Variants in ITGA8 observed in about 807,000 individuals in gnomAD.
ITGA8 encodes the protein integrin alpha-8.
ITGA8 carries 91 observed loss-of-function variants against 142.3 expected under a neutral mutation model. That is an observed-to-expected ratio of 0.64 (90% confidence interval 0.54 to 0.76). ITGA8 has a LOEUF of 0.76. ITGA8 is among the 30% of genes least tolerant of loss of function. The pLI, the probability that ITGA8 is intolerant of heterozygous loss-of-function variation, is 0.00. For synonymous variants in ITGA8, 505 were observed against 485.2 expected (o/e 1.04, Z -0.54); for missense variants, 1,406 against 1,327.7 (o/e 1.06, Z -0.92).
intron 27 of ITGA8, among the ~76,000 whole-genome samples, chr10:15,535,691 A>T (rs1054658883): frequency 1.3e-5 from 2 of 152,154 alleles, no homozygotes; most frequent in Admixed American, 1.3e-4. Flanking sequence ...AAAACAGACC[A>T]CTGGGCTCTC....
chr10:15,597,401 C>A (rs1036602482), intron 20 of ITGA8, 102 bp from the exon 21 acceptor site: 1 of 858,834 alleles, frequency 1.2e-6, no homozygotes, highest in African/African-American at 1.7e-5. Context: ...CTCAAACACC[C>A]AGGAGGGCGA....
At chr10:15,582,108 G>A (rs572805685) in intron 23 of ITGA8, among the ~76,000 whole-genome samples, 7 of 152,202 alleles carry the variant, frequency 4.6e-5, no homozygotes, top group Admixed American at 3.3e-4. Flanking sequence ...GCATGGTGGC[G>A]CATGCCAGTA....
At chr10:15,678,691 T>C (rs763306389) in intron 5 of ITGA8, 31 bp downstream of exon 5, 47 of 1,505,228 alleles carry the variant, frequency 3.1e-5, no homozygotes, top group Middle Eastern at 1.7e-4. Flanking sequence ...TCAGATTAAA[T>C]ATTAGGAACT....
At chr10:15,719,222 TAC>T (rs2131747290) in intron 1 of ITGA8, among the ~76,000 whole-genome samples, 1 of 152,298 alleles carries the variant, frequency 6.6e-6, no homozygotes, top group South Asian at 2.1e-4. Flanking sequence ...ACGCAATGGT[TAC>T]AGACTCTGCA....
chr10:15,616,466 T>C lies in ITGA8; in HGVS notation c.1445+48A>G, dbSNP rs750683512. ...CTTTAAGGCAGAACTAACAAGAAAATGTATTTGAAACAATGAGAAAAACAT... is the reference window on the plus strand; with the variant it reads ...CTTTAAGGCAGAACTAACAAGAAAACGTATTTGAAACAATGAGAAAAACAT... On this transcript the variant is annotated intron_variant, in intron 14 of 29. Coordinates refer to ENST00000378076, the MANE Select transcript of ITGA8 (RefSeq NM_003638.3). 61 of 1,386,646 alleles carry C rather than the reference T, an allele frequency of 4.4e-5. No individual in the cohort carries two copies. The South Asian group carries it at 6.4e-4, about 14-fold the overall frequency. The allele number at this position is 1,386,646 out of a possible 1,614,324, so 85.9% of individuals were successfully genotyped here. A position where few individuals can be genotyped will look rare whatever the true frequency, so the allele number is the denominator to read the frequency against.
chr10:15,615,263 C>T (rs1412416075), intron 14 of ITGA8, among the ~76,000 whole-genome samples: 2 of 152,200 alleles, frequency 1.3e-5, no homozygotes, highest in Non-Finnish European at 2.9e-5. Flanking sequence ...CTTCAGACAC[C>T]TTGAGGGTTT....
intron 27 of ITGA8, among the ~76,000 whole-genome samples, chr10:15,545,636 T>G (rs1401957301): frequency 1.3e-5 from 2 of 152,112 alleles, no homozygotes; most frequent in Admixed American, 1.3e-4. Flanking sequence ...GTACTTTCAT[T>G]TCCTTGTTTT....
In ITGA8 at chr10:15,687,979, A is replaced by C. The variant is rs757642762; in HGVS notation, c.403T>G (p.Trp135Gly). The part of the protein sequence containing the change: ...KEPIEFKSNQ[W>G]FGATVKAHKG... ...TGAGCTTTCACTGTTGCTCCAAACC[A>C]CTGATTGGATTTGAACTCGATAGGT... Residue 135 changes from tryptophan (W) to glycine (G), a missense_variant, in exon 3 of 30, where the codon TGG becomes GGG. Physicochemically the swap from Trp to Gly is radical, Grantham distance 184. Coordinates refer to ENST00000378076, the MANE Select transcript of ITGA8 (RefSeq NM_003638.3). 8 of 1,613,618 alleles carry C rather than the reference A, an allele frequency of 5.0e-6. No individual in the cohort carries two copies. The highest frequency in any genetic ancestry group is 6.8e-6 in the Non-Finnish European group (8 of 1,179,614).
chr10:15,668,554 C>T (rs1834442666), intron 8 of ITGA8, among the ~76,000 whole-genome samples: 1 of 151,978 alleles, frequency 6.6e-6, no homozygotes, highest in African/African-American at 2.4e-5. Flanking sequence ...GAATTTGATC[C>T]TGTCATTATG....
chr10:15,621,008 G>A (rs1042441466), intron 13 of ITGA8, among the ~76,000 whole-genome samples: 1 of 152,182 alleles, frequency 6.6e-6, no homozygotes, highest in African/African-American at 2.4e-5. Context: ...GCTGATATTT[G>A]AATTTATAAC....
intron 27 of ITGA8, among the ~76,000 whole-genome samples, chr10:15,545,388 C>T (rs542758124): frequency 2.6e-5 from 4 of 152,332 alleles, no homozygotes; most frequent in East Asian, 1.9e-4. Context: ...CACCATTTCC[C>T]TCTGGACTAT....
intron 25 of ITGA8, among the ~76,000 whole-genome samples, chr10:15,570,748 T>C (rs1160663543): frequency 1.3e-5 from 2 of 151,852 alleles, no homozygotes; most frequent in African/African-American, 2.4e-5. Flanking sequence ...GTAGTCACAG[T>C]ATGCCACAAA....
At position 15,538,437 on chromosome 10, in the gene ITGA8, G is replaced by A. The variant is rs566514017; in HGVS notation, c.2881-7286C>T. Among the ~76,000 whole-genome samples, 6 of 151,018 alleles carry A rather than the reference G, an allele frequency of 4.0e-5. No homozygotes were observed. In the East Asian group the frequency reaches 5.8e-4, roughly 15 times the overall value. On this transcript the variant is annotated intron_variant, in intron 27 of 29. Transcript: ENST00000378076. Reference sequence around the variant, plus strand: ...TGAGACGGGAGAATCGCTTGAACCCGGGAGACGATGGTTGCAGTGAGCTGA... The same window carrying A: ...TGAGACGGGAGAATCGCTTGAACCCAGGAGACGATGGTTGCAGTGAGCTGA...
At chr10:15,711,866 A>G (rs1304048309) in intron 2 of ITGA8, among the ~76,000 whole-genome samples, 1 of 152,234 alleles carries the variant, frequency 6.6e-6, no homozygotes, top group East Asian at 1.9e-4. Flanking sequence ...CCAATACACT[A>G]AACACCACAG....
intron 2 of ITGA8, among the ~76,000 whole-genome samples, chr10:15,709,432 A>G (rs187769736): frequency 1.3e-3 from 202 of 152,344 alleles, no homozygotes; most frequent in Non-Finnish European, 2.4e-3. Flanking sequence ...CTCTAGGTAG[A>G]TTTTATAACT....
intron 13 of ITGA8, among the ~76,000 whole-genome samples, chr10:15,642,774 G>GT (rs1234927183): frequency 6.6e-6 from 1 of 152,180 alleles, no homozygotes; most frequent in Non-Finnish European, 1.5e-5. Context: ...ATAAGAATAT[G>GT]TTGCGGTATC....
intron 5 of ITGA8, 71 bp from the exon 6 acceptor site, chr10:15,677,708 A>G (rs1834657797): frequency 6.8e-7 from 1 of 1,468,874 alleles, no homozygotes; most frequent in South Asian, 1.2e-5. Flanking sequence ...AGGGTGATAA[A>G]TTGTTGTTAA....
chr10:15,568,092 A>G (rs974733), intron 25 of ITGA8, among the ~76,000 whole-genome samples: 118,798 of 151,918 alleles, frequency 0.78, 46,607 homozygotes, highest in African/African-American at 0.84. Context: ...TGGCTAATTT[A>G]TTTTTATTTT....
chr10:15,595,874 T>A (rs1833003139), intron 21 of ITGA8, among the ~76,000 whole-genome samples: 1 of 152,106 alleles, frequency 6.6e-6, no homozygotes, highest in South Asian at 2.1e-4. Context: ...GAGACCAGCC[T>A]GGCCCCCGTC....
Sources: gnomAD v4.1 joint callset for allele counts (sites outside exome capture counted in the v4.1 genomes callset) on GRCh38, gnomAD v4.1.1 for gene constraint, MANE v1.5 for transcripts, NCBI Gene and HGNC (gene_info 2026-07-23, HGNC 2026-07-21) for gene names.